The following SFXN1 variants were observed in gnomAD, a reference collection of about 807,000 sequenced individuals.
SFXN1 encodes sideroflexin 1, also known as sideroflexin-1.
SFXN1 carries 32 observed loss-of-function variants against 39.5 expected under a neutral mutation model. That is an observed-to-expected ratio of 0.81 (90% CI 0.61 to 1.09). The LOEUF (loss-of-function observed/expected upper bound fraction) is 1.09, where lower values mean the gene tolerates loss of function less well. SFXN1 is among the 50% of genes least tolerant of loss of function. The probability of loss-of-function intolerance (pLI) is 0.00; values close to 1 mark genes in which losing one functional copy is unlikely to be tolerated. For synonymous variants in SFXN1, 136 were observed against 146.5 expected, an observed-to-expected ratio of 0.93 and a Z score of 0.52; for missense variants, 402 against 407.1, an observed-to-expected ratio of 0.99 and a Z score of 0.11.
At chr5:175,513,889 G>T (rs1409230034) in intron 7 of SFXN1, among the ~76,000 whole-genome samples, 7 of 151,976 alleles carry the variant, frequency 4.6e-5, no homozygotes, top group African/African-American at 1.7e-4. Context: ...CCACAGGCAG[G>T]AGTTTGCCTG....
intron 8 of SFXN1, among the ~76,000 whole-genome samples, chr5:175,517,092 A>G (rs1275542600): frequency 6.6e-6 from 1 of 152,202 alleles, no homozygotes; most frequent in Admixed American, 6.5e-5. Context: ...CAGAAGACAT[A>G]GTTGGGCATG....
At chr5:175,516,555 AAAGT>A (rs933681328) in intron 7 of SFXN1, 55 bp from the exon 8 acceptor site, 4 of 1,504,734 alleles carry the variant, frequency 2.7e-6, no homozygotes, top group East Asian at 4.6e-5. Context: ...GTTGAAAAAA[AAAGT>A]AAGCTGAAAA....
intron 2 of SFXN1, among the ~76,000 whole-genome samples, chr5:175,504,678 TA>T (rs1426036829): frequency 6.6e-6 from 1 of 152,100 alleles, no homozygotes; most frequent in East Asian, 1.9e-4. Flanking sequence ...GTTTCCTGTA[TA>T]AAAGCAACAA....
chr5:175,518,284 T>C (rs1760776108), intron 8 of SFXN1, among the ~76,000 whole-genome samples: 1 of 152,214 alleles, frequency 6.6e-6, no homozygotes, highest in Non-Finnish European at 1.5e-5. Flanking sequence ...GTTCTAATTC[T>C]TTTATATTCC....
intron 9 of SFXN1, among the ~76,000 whole-genome samples, 163 bp from the exon 10 acceptor site, chr5:175,522,212 A>G (rs778079534): frequency 2.0e-5 from 3 of 152,198 alleles, no homozygotes; most frequent in Non-Finnish European, 2.9e-5. Context: ...TTATTTTGGC[A>G]ATCCTAGGTA....
At chr5:175,489,708 T>G (rs904650869) in intron 1 of SFXN1, among the ~76,000 whole-genome samples, 4 of 152,194 alleles carry the variant, frequency 2.6e-5, no homozygotes, top group African/African-American at 7.2e-5. Flanking sequence ...CAAAATCATC[T>G]GGAGAGCTTT....
chr5:175,502,587 C>G (rs1455480440), intron 2 of SFXN1, among the ~76,000 whole-genome samples: 1 of 152,206 alleles, frequency 6.6e-6, no homozygotes, highest in African/African-American at 2.4e-5. Context: ...TGCCTGTAAT[C>G]CCAGCACTTG....
intron 8 of SFXN1, among the ~76,000 whole-genome samples, chr5:175,521,679 TGGG>T (rs1308291927): frequency 6.6e-6 from 1 of 152,150 alleles, no homozygotes; most frequent in Non-Finnish European, 1.5e-5. Flanking sequence ...TCAGATTAAA[TGGG>T]GGACTGGGAG....
At chr5:175,518,236 G>A (rs1760774615) in intron 8 of SFXN1, among the ~76,000 whole-genome samples, 1 of 152,160 alleles carries the variant, frequency 6.6e-6, no homozygotes, top group Non-Finnish European at 1.5e-5. Context: ...GAGTGAAATT[G>A]ATATGGTTTG....
chr5:175,506,328 G>A (rs1305044664), intron 2 of SFXN1, among the ~76,000 whole-genome samples: 2 of 152,124 alleles, frequency 1.3e-5, no homozygotes, highest in African/African-American at 2.4e-5. Context: ...TAATCGCAGT[G>A]TATAAAATAC....
At chr5:175,511,162 A>G (rs1760495994) in intron 4 of SFXN1, among the ~76,000 whole-genome samples, 1 of 152,204 alleles carries the variant, frequency 6.6e-6, no homozygotes, top group Non-Finnish European at 1.5e-5. Context: ...TCTCACGAAT[A>G]CAAAGTCTGT....
In SFXN1 at chr5:175,520,208, C is replaced by CAT. The variant is rs989828012; in HGVS notation, c.775-1699_775-1698dup. Among the ~76,000 whole-genome samples, 270 of 150,672 alleles carry CAT rather than the reference C, an allele frequency of 1.8e-3. 1 individual carries two copies. Among genetic ancestry groups the CAT allele is most frequent in the African/African-American group, 5.8e-3 (240 of 41,136 alleles). On this transcript the variant is annotated intron_variant, in intron 8 of 10. Coordinates refer to ENST00000321442, the MANE Select transcript of SFXN1 (RefSeq NM_022754.7). Reference sequence around the variant, plus strand: ...TTACTTCATTGAATATATATATGTACATATATATATATACACACACATATA... The same window carrying CAT: ...TTACTTCATTGAATATATATATGTACATATATATATATATACACACACATATA...
rs997258890 is a variant in SFXN1, at chr5:175,510,319, G to T, written c.434+112G>T. ...TGTGTGCATATTTTTATATTGTTCA[G>T]AATATTATGTAGCATCCTTTTTTGT... On this transcript the variant is annotated intron_variant, in intron 4 of 10. Transcript: ENST00000321442. The T allele has an allele frequency of 6.0e-6, 5 of 835,216 alleles. No homozygotes were observed. In the Admixed American group the frequency reaches 9.9e-5, roughly 16 times the overall value. The allele number at this position is 835,216 out of a possible 1,614,324, so 51.7% of individuals were successfully genotyped here.
At chr5:175,501,193 C>G (rs571410758) in intron 2 of SFXN1, among the ~76,000 whole-genome samples, 4 of 151,446 alleles carry the variant, frequency 2.6e-5, no homozygotes, top group Admixed American at 1.3e-4. Flanking sequence ...CTAAGCCTCC[C>G]GAGTAGCTAG....
chr5:175,479,691 A>T (rs1759158882), intron 1 of SFXN1, among the ~76,000 whole-genome samples: 2 of 152,074 alleles, frequency 1.3e-5, no homozygotes. Flanking sequence ...CTCAATGAGT[A>T]TTTGTTGACT....
chr5:175,511,465 C>T lies in SFXN1; in HGVS notation c.449C>T (p.Ala150Val). 6.2e-7 allele frequency: 1 copy of T among 1,614,122 alleles called. No individual in the cohort carries two copies. The highest frequency in any genetic ancestry group is 1.3e-5 in the African/African-American group (1 of 75,060). ...TTTCTTTTCAGTGAGTTGGGAACAG[C>T]TTACGTTTCTGCAACAACTGGTGCC... ...APLTVNELGTAYVSATTGAVA... is the reference protein window; with the variant it reads ...APLTVNELGTVYVSATTGAVA... The change falls in exon 5 of 11, where the codon GCT (alanine) becomes GTT (valine). Residue 150 changes from alanine (A) to valine (V), a missense_variant. By Grantham distance (64) the Ala-to-Val change is moderately conservative. Transcript: ENST00000321442.
At chr5:175,500,538 G>A (rs1760037252) in intron 2 of SFXN1, among the ~76,000 whole-genome samples, 1 of 151,314 alleles carries the variant, frequency 6.6e-6, no homozygotes, top group Non-Finnish European at 1.5e-5. Context: ...ACTCAATATT[G>A]TTAAGATGTC....
chr5:175,520,887 G>A (rs1253562651), intron 8 of SFXN1, among the ~76,000 whole-genome samples: 1 of 152,042 alleles, frequency 6.6e-6, no homozygotes, highest in Admixed American at 6.5e-5. Flanking sequence ...GAGGAGAGGG[G>A]CCCCTCTGTG....
intron 1 of SFXN1, among the ~76,000 whole-genome samples, chr5:175,488,695 C>CT (rs71581645): frequency 0.038 from 5,758 of 152,242 alleles, 143 homozygotes; most frequent in South Asian, 0.12. Flanking sequence ...CAACTCTTCA[C>CT]TTTCCTCTGA....
Sources: allele counts gnomAD v4.1 joint callset (sites outside exome capture counted in the v4.1 genomes callset), GRCh38; gene constraint gnomAD v4.1.1; transcripts MANE v1.5; gene names NCBI Gene and HGNC (gene_info 2026-07-23, HGNC 2026-07-21).